The following ZNG1C variants were observed in gnomAD, a reference collection of about 807,000 sequenced individuals.
ZNG1C encodes the protein zinc-regulated GTPase metalloprotein activator 1C.
At chr9:68,284,616 TG>T in the ZNG1C span, among the ~76,000 whole-genome samples, 1 of 126,554 alleles carries the variant, frequency 7.9e-6, no homozygotes, top group African/African-American at 3.1e-5. Context: ...AATTATTGTT[TG>T]TTATAGAACA....
At chr9:68,279,633 GC>G in the ZNG1C span, among the ~76,000 whole-genome samples, 4 of 127,592 alleles carry the variant, frequency 3.1e-5, no homozygotes, top group African/African-American at 1.2e-4. Context: ...TTGAATATTG[GC>G]CCCCACTCTC....
At chr9:68,245,075 TC>T in the ZNG1C span, 1 of 152,872 alleles carries the variant, frequency 6.5e-6, no homozygotes, top group African/African-American at 2.4e-5. Context: ...TTTAATCTTA[TC>T]CTCTAGGATA....
chr9:68,284,390 G>C, the ZNG1C span, among the ~76,000 whole-genome samples: 39 of 87,628 alleles, frequency 4.5e-4, no homozygotes, highest in Non-Finnish European at 6.7e-4. Flanking sequence ...GTATCCTTTA[G>C]TGCTTTATTT....
At chr9:68,247,420 A>T in the ZNG1C span, among the ~76,000 whole-genome samples, 13 of 151,104 alleles carry the variant, frequency 8.6e-5, no homozygotes, top group Non-Finnish European at 1.8e-4. Context: ...AGGGCTTAAG[A>T]CATCTTAAAT....
chr9:68,297,042 T>C, the ZNG1C span, among the ~76,000 whole-genome samples: 3 of 151,308 alleles, frequency 2.0e-5, no homozygotes, highest in Non-Finnish European at 4.4e-5. Flanking sequence ...GCCTTTCTTT[T>C]GTATTTTTTT....
At chr9:68,287,013 A>G in the ZNG1C span, among the ~76,000 whole-genome samples, 2 of 152,204 alleles carry the variant, frequency 1.3e-5, no homozygotes, top group African/African-American at 2.4e-5. Flanking sequence ...AAAGAACGTG[A>G]TGCCAAGAAT....
the ZNG1C span, among the ~76,000 whole-genome samples, chr9:68,281,148 G>A: frequency 2.9e-4 from 43 of 150,314 alleles, no homozygotes; most frequent in Non-Finnish European, 3.0e-5. Flanking sequence ...GGAACTCCCT[G>A]ACCCCCTGTG....
chr9:68,247,567 G>A, the ZNG1C span: 1 of 1,066,898 alleles, frequency 9.4e-7, no homozygotes. Flanking sequence ...GTTTTTTGTT[G>A]GCTAATGGAC....
chr9:68,291,672 A>G, the ZNG1C span, among the ~76,000 whole-genome samples: 1 of 141,114 alleles, frequency 7.1e-6, no homozygotes, highest in African/African-American at 2.7e-5. Context: ...TGCAAGTTCA[A>G]TTTGAATCTT....
the ZNG1C span, among the ~76,000 whole-genome samples, chr9:68,260,420 CAAACACAGT>C: frequency 6.6e-6 from 1 of 152,264 alleles, no homozygotes; most frequent in African/African-American, 2.4e-5. Flanking sequence ...CTGAATAATG[CAAACACAGT>C]AAACGTTTAA....
the ZNG1C span, among the ~76,000 whole-genome samples, chr9:68,260,503 C>T: frequency 7.6e-6 from 1 of 131,814 alleles, no homozygotes; most frequent in East Asian, 2.1e-4. Flanking sequence ...AAAACTGACA[C>T]ACTGTCAGGA....
At chr9:68,269,651 C>G in the ZNG1C span, 1 of 878,400 alleles carries the variant, frequency 1.1e-6, no homozygotes, top group Non-Finnish European at 1.3e-6. Flanking sequence ...CTGAGGCTCA[C>G]AGCTGGCAGT....
the ZNG1C span, among the ~76,000 whole-genome samples, chr9:68,278,326 AG>A: frequency 7.5e-5 from 11 of 145,884 alleles, no homozygotes; most frequent in Non-Finnish European, 3.0e-5. Context: ...CTCTGATTTT[AG>A]TTATTTCTTG....
the ZNG1C span, among the ~76,000 whole-genome samples, chr9:68,247,228 AG>A: frequency 1.3e-5 from 2 of 151,972 alleles, no homozygotes; most frequent in Non-Finnish European, 2.9e-5. Context: ...GAAAAGAAAA[AG>A]ATAAGGCAGT....
the ZNG1C span, among the ~76,000 whole-genome samples, chr9:68,284,825 T>C: frequency 6.7e-6 from 1 of 149,436 alleles, no homozygotes; most frequent in Non-Finnish European, 1.5e-5. Context: ...AAAATGTGTA[T>C]GATAGGGAAA....
chr9:68,259,556 G>A, the ZNG1C span: 1 of 382,486 alleles, frequency 2.6e-6, no homozygotes, highest in Admixed American at 3.7e-5. Flanking sequence ...CTGTTGCCCA[G>A]GCTGGAGTGC....
chr9:68,254,515 T>G, the ZNG1C span: 1 of 152,478 alleles, frequency 6.6e-6, no homozygotes, highest in Admixed American at 6.6e-5. Flanking sequence ...GTAATACATA[T>G]GCATACAAGT....
At chr9:68,296,893 A>G in the ZNG1C span, among the ~76,000 whole-genome samples, 3 of 151,916 alleles carry the variant, frequency 2.0e-5, no homozygotes, top group Non-Finnish European at 2.9e-5. Flanking sequence ...GATAAAGAAG[A>G]AAAATAAATC....
the ZNG1C span, chr9:68,248,839 G>A: frequency 2.0e-6 from 1 of 492,334 alleles, no homozygotes; most frequent in South Asian, 2.3e-5. Flanking sequence ...AGAATTTGAT[G>A]CAAAAGAAGG....
Sources: gnomAD v4.1 joint callset for allele counts (sites outside exome capture counted in the v4.1 genomes callset) on GRCh38, gnomAD v4.1.1 for gene constraint, MANE v1.5 for transcripts, NCBI Gene and HGNC (gene_info 2026-07-23, HGNC 2026-07-21) for gene names.